Variants in PPP4R2 observed in about 807,000 individuals in gnomAD.
PPP4R2 encodes protein phosphatase 4 regulatory subunit 2.
A neutral mutation model predicts 47.2 loss-of-function variants in PPP4R2; 13 were observed. That is an observed-to-expected ratio of 0.28 (90% CI 0.18 to 0.44). The LOEUF is 0.44. PPP4R2 is among the 20% of genes least tolerant of loss of function. The probability of loss-of-function intolerance (pLI) is 1.00; values close to 1 mark genes in which losing one functional copy is unlikely to be tolerated. For synonymous variants in PPP4R2, 151 were observed against 163.3 expected (o/e 0.92, Z 0.57); for missense variants, 421 against 491.2 (o/e 0.86, Z 1.35).
chr3:73,021,900 ATTTT>A (rs775338491), intron 2 of PPP4R2, among the ~76,000 whole-genome samples: 3 of 114,750 alleles, frequency 2.6e-5, no homozygotes, highest in African/African-American at 1.1e-4. Flanking sequence ...ATATATATAT[ATTTT>A]TTTTTTTTTT....
intron 2 of PPP4R2, among the ~76,000 whole-genome samples, chr3:73,004,944 C>CGTGTGTGTGTGTGT (rs67945272): frequency 2.6e-5 from 3 of 116,950 alleles, no homozygotes; most frequent in Non-Finnish European, 5.2e-5. Context: ...GAGTCGGAGT[C>CGTGTGTGTGTGTGT]GTGTGTGTGT....
chr3:73,021,884 A>ATG (rs1701967435), intron 2 of PPP4R2, among the ~76,000 whole-genome samples: 1 of 76,716 alleles, frequency 1.3e-5, no homozygotes, highest in African/African-American at 4.9e-5. Context: ...GTGTGTGTAT[A>ATG]TATGCATATA....
At chr3:73,027,440 G>A (rs1189786895) in intron 2 of PPP4R2, among the ~76,000 whole-genome samples, 2 of 152,152 alleles carry the variant, frequency 1.3e-5, no homozygotes, top group East Asian at 3.9e-4. Context: ...CCTATTAATT[G>A]CCAAAGCAGT....
intron 2 of PPP4R2, chr3:73,027,962 A>G (rs1168793969): frequency 2.4e-5 from 3 of 124,638 alleles, no homozygotes; most frequent in African/African-American, 9.0e-5. Flanking sequence ...TTTTTTTTTA[A>G]GAGACGGGGT....
At chr3:73,029,041 G>A (rs1702122156) in intron 2 of PPP4R2, among the ~76,000 whole-genome samples, 1 of 152,292 alleles carries the variant, frequency 6.6e-6, no homozygotes, top group Non-Finnish European at 1.5e-5. Flanking sequence ...GAACTCCTGG[G>A]CTCAAGCAGT....
chr3:73,058,574 T>C lies in PPP4R2; in HGVS notation c.288-463T>C, dbSNP rs150969964. Among the ~76,000 whole-genome samples, 378 of 152,198 alleles carry C rather than the reference T, an allele frequency of 2.5e-3. 1 individual carries two copies. The highest frequency in any genetic ancestry group is 6.8e-3 in the Middle Eastern group (2 of 294). On this transcript the variant is annotated intron_variant, in intron 3 of 8. Coordinates refer to ENST00000356692, the MANE Select transcript of PPP4R2 (RefSeq NM_174907.4). ...ACATATTTATGGGGTACATGAGATA[T>C]TTTGATAGAGCCATACAATGCATTA... is the stretch of plus-strand genomic sequence containing the variant.
At chr3:73,047,420 A>T in intron 3 of PPP4R2, 64 bp downstream of exon 3, 1 of 1,102,636 alleles carries the variant, frequency 9.1e-7, no homozygotes, top group Non-Finnish European at 1.3e-6. Flanking sequence ...TTTTTCTTTT[A>T]GTTTTGATGT....
intron 1 of PPP4R2, 78 bp from the exon 2 acceptor site, chr3:72,997,999 T>A (rs1345741094): frequency 2.1e-6 from 2 of 955,942 alleles, no homozygotes; most frequent in Non-Finnish European, 3.3e-6. Context: ...TTTAATAAGG[T>A]AAAGGACTAG....
At position 73,047,217 on chromosome 3, in the gene PPP4R2, A is replaced by G; in HGVS notation, c.148A>G (p.Ile50Val). The G allele has an allele frequency of 6.3e-7, 1 of 1,577,170 alleles. No homozygotes were observed. Among genetic ancestry groups the G allele is most frequent in the Non-Finnish European group, 8.6e-7 (1 of 1,160,166 alleles). The change falls in exon 3 of 9, where the codon ATT (isoleucine) becomes GTT (valine). Residue 50 changes from isoleucine to valine, a missense_variant. By Grantham distance (29) the Ile-to-Val change is conservative. This residue lies in a region of PPP4R2 where 104 missense variants were observed against 203.7 expected (regional missense o/e 0.51). Transcript: ENST00000356692. ...IQWSQFKGYF[I>V]FKLEKVMDDF... ...GTGGTCCCAATTTAAAGGCTATTTT[A>G]TTTTCAAACTGGAGAAAGTGATGGA...
Position 72,996,888 on chromosome 3 carries a change from C to T in PPP4R2, c.-150C>T. The T allele has an allele frequency of 4.4e-6, 2 of 459,188 alleles. No individual in the cohort carries two copies. Among genetic ancestry groups the T allele is most frequent in the Non-Finnish European group, 7.5e-6 (2 of 266,408 alleles). 28.4% of individuals were successfully genotyped at this position (459,188 alleles called of 1,614,324 possible). On this transcript the variant is annotated 5_prime_UTR_variant, in exon 1 of 9. Coordinates refer to ENST00000356692, the MANE Select transcript of PPP4R2 (RefSeq NM_174907.4). ...TCGGTCTTGCTCTCTCGCACGCTTC[C>T]CCCGGCTCCCTTCGTTTCCCCCCCC... is the stretch of plus-strand genomic sequence containing the variant.
chr3:73,011,773 GT>G (rs35614256), intron 2 of PPP4R2, among the ~76,000 whole-genome samples: 22,090 of 152,026 alleles, frequency 0.15, 1,886 homozygotes, highest in East Asian at 0.36. Flanking sequence ...ACTGATACGT[GT>G]ATTTTAACTT....
At chr3:73,023,246 C>T (rs1158464245) in intron 2 of PPP4R2, among the ~76,000 whole-genome samples, 1 of 151,404 alleles carries the variant, frequency 6.6e-6, no homozygotes, top group Non-Finnish European at 1.5e-5. Flanking sequence ...TGCAATGGCG[C>T]GATCTCAACC....
intron 2 of PPP4R2, among the ~76,000 whole-genome samples, chr3:73,002,430 A>AT (rs971238931): frequency 6.6e-6 from 1 of 150,864 alleles, no homozygotes; most frequent in Non-Finnish European, 1.5e-5. Context: ...CTAATTTATA[A>AT]TTTTTTTTGT....
chr3:73,016,081 C>A (rs7653764), intron 2 of PPP4R2: 80,667 of 152,830 alleles, frequency 0.53, 21,687 homozygotes, highest in African/African-American at 0.62. Context: ...CTATCTGAAA[C>A]ATAGTTTTAA....
In PPP4R2 at chr3:73,064,932, C is replaced by G. The variant is rs959147148; in HGVS notation, c.719C>G (p.Ala240Gly). 2 of 1,613,716 alleles carry G rather than the reference C, an allele frequency of 1.2e-6. No individual in the cohort carries two copies. Among genetic ancestry groups the G allele is most frequent in the African/African-American group, 2.7e-5 (2 of 74,894 alleles). The change falls in exon 8 of 9, where the codon GCT becomes GGT. Residue 240 changes from alanine to glycine, a missense_variant. Around this residue, in one of 2 missense-constraint regions of PPP4R2, gnomAD observed 317 missense variants for 287.5 expected, o/e 1.10. Coordinates refer to ENST00000356692, the MANE Select transcript of PPP4R2 (RefSeq NM_174907.4). ...CATCCAGATGAAGATGCTGTGGAAG[C>G]TGAGGGGCATGAGGTAAAAAGACTC... ...NKHPDEDAVE[A>G]EGHEVKRLRF...
intron 1 of PPP4R2, among the ~76,000 whole-genome samples, chr3:72,997,571 T>C (rs1231280405): frequency 6.6e-6 from 1 of 152,206 alleles, no homozygotes; most frequent in Non-Finnish European, 1.5e-5. Context: ...TTCACTGTTC[T>C]TGATTGCACG....
chr3:73,003,509 C>G (rs573545778), intron 2 of PPP4R2, among the ~76,000 whole-genome samples: 1 of 151,988 alleles, frequency 6.6e-6, no homozygotes, highest in Non-Finnish European at 1.5e-5. Flanking sequence ...GTCACTGCCC[C>G]GGCTGACTTT....
In PPP4R2 at chr3:73,037,890, TTTTG is replaced by T. The variant is rs142070273; in HGVS notation, c.117-9292_117-9289del. Among the ~76,000 whole-genome samples, 26 of 152,312 alleles carry T rather than the reference TTTTG, an allele frequency of 1.7e-4. No individual in the cohort carries two copies. In the East Asian group the frequency reaches 5.0e-3, roughly 29 times the overall value. ...CTGTAAGTCTGGTTTTCCAAATGAA[TTTTG>T]TTTTATTGTTTTAAGCACACCTGCT... On this transcript the variant is annotated intron_variant, in intron 2 of 8. Coordinates refer to ENST00000356692, the MANE Select transcript of PPP4R2 (RefSeq NM_174907.4).
intron 2 of PPP4R2, among the ~76,000 whole-genome samples, chr3:73,022,318 A>C (rs1465505692): frequency 6.9e-6 from 1 of 144,894 alleles, no homozygotes; most frequent in Non-Finnish European, 1.6e-5. Flanking sequence ...TTAAGAGAGT[A>C]ATTTTTTTCA....
Sources: gnomAD v4.1 joint callset for allele counts (sites outside exome capture counted in the v4.1 genomes callset) on GRCh38, gnomAD v4.1.1 for gene constraint, gnomAD v4.1.1 regional missense constraint, MANE v1.5 for transcripts, NCBI Gene and HGNC (gene_info 2026-07-23, HGNC 2026-07-21) for gene names.